The following ERC2 variants were observed in gnomAD, a reference collection of about 807,000 sequenced individuals.
ERC2 encodes the protein ELKS/RAB6-interacting/CAST family member 2, also known as ERC protein 2.
ERC2 carries 42 observed loss-of-function variants against 114.8 expected under a neutral mutation model. That is an observed-to-expected ratio of 0.37 (90% CI 0.29 to 0.47). ERC2 has a LOEUF of 0.47. ERC2 is among the 20% of genes least tolerant of loss of function. The pLI is 0.99. For synonymous variants in ERC2, 454 were observed against 425.5 expected (o/e 1.07, Z -0.82); for missense variants, 939 against 1,150.7 (o/e 0.82, Z 2.66).
chr3:56,334,434 C>A (rs961057827), intron 2 of ERC2, among the ~76,000 whole-genome samples: 3 of 152,210 alleles, frequency 2.0e-5, no homozygotes, highest in Non-Finnish European at 4.4e-5. Flanking sequence ...TCATTTCTGT[C>A]CTTCCCAGCT....
intron 3 of ERC2, among the ~76,000 whole-genome samples, chr3:56,222,755 C>T (rs142349527): frequency 7.2e-4 from 110 of 152,338 alleles, no homozygotes; most frequent in Middle Eastern, 3.4e-3. Context: ...TGCTATACAA[C>T]CGCTATAGCT....
At chr3:56,407,690 T>C (rs1019024156) in intron 2 of ERC2, among the ~76,000 whole-genome samples, 7 of 152,182 alleles carry the variant, frequency 4.6e-5, no homozygotes, top group Admixed American at 4.6e-4. Flanking sequence ...CCACCCTGAC[T>C]GCACATTAGA....
At chr3:55,708,761 A>G (rs1481296162) in intron 15 of ERC2, among the ~76,000 whole-genome samples, 5 of 151,510 alleles carry the variant, frequency 3.3e-5, no homozygotes, top group Admixed American at 6.6e-5. Context: ...AAATAAATAA[A>G]TGGAGGAGTG....
At chr3:56,115,480 T>C (rs943590915) in intron 6 of ERC2, among the ~76,000 whole-genome samples, 1 of 152,080 alleles carries the variant, frequency 6.6e-6, no homozygotes, top group Non-Finnish European at 1.5e-5. Flanking sequence ...AAAGGGCTTA[T>C]CACAGGTAAC....
chr3:55,878,623 G>A (rs2062974815), intron 14 of ERC2, among the ~76,000 whole-genome samples: 1 of 152,152 alleles, frequency 6.6e-6, no homozygotes, highest in African/African-American at 2.4e-5. Flanking sequence ...ACATATATGA[G>A]CCTCAGTGTC....
At chr3:55,597,600 ACT>A (rs2058207520) in intron 17 of ERC2, among the ~76,000 whole-genome samples, 1 of 151,738 alleles carries the variant, frequency 6.6e-6, no homozygotes, top group Non-Finnish European at 1.5e-5. Context: ...CTCCTTAATA[ACT>A]CTACTGTACT....
intron 4 of ERC2, among the ~76,000 whole-genome samples, chr3:56,166,865 G>A (rs983210179): frequency 6.6e-6 from 1 of 152,004 alleles, no homozygotes; most frequent in African/African-American, 2.4e-5. Context: ...CTCCACTCTA[G>A]TATATGTTTA....
At chr3:55,847,445 G>A (rs530446699) in intron 14 of ERC2, among the ~76,000 whole-genome samples, 2 of 152,090 alleles carry the variant, frequency 1.3e-5, no homozygotes, top group Non-Finnish European at 2.9e-5. Flanking sequence ...CAGCAAGACC[G>A]GGAGATACAC....
intron 14 of ERC2, among the ~76,000 whole-genome samples, chr3:55,775,801 A>G (rs1242981744): frequency 1.3e-5 from 2 of 152,186 alleles, no homozygotes; most frequent in African/African-American, 4.8e-5. Flanking sequence ...TTAGTTATGA[A>G]TCCAAACCAA....
At chr3:56,104,430 A>G (rs1236078347) in intron 6 of ERC2, among the ~76,000 whole-genome samples, 1 of 152,224 alleles carries the variant, frequency 6.6e-6, no homozygotes, top group East Asian at 1.9e-4. Flanking sequence ...CCAAAGACCT[A>G]TAAACATTTC....
chr3:55,952,163 ACACACACACACACACACT>A lies in ERC2; in HGVS notation c.2268-1621_2268-1604del, dbSNP rs1232022862. ...CACACACACACACACACACACACAC[ACACACACACACACACACT>A]CTCTCTCTCTCTCTCTCTATATATA... is the stretch of plus-strand genomic sequence containing the variant. On this transcript the variant is annotated intron_variant, in intron 12 of 17. Transcript: ENST00000288221. 2.3e-3 allele frequency among the ~76,000 whole-genome samples: 169 copies of A among 73,560 alleles called. 3 individuals are homozygous for A. Among genetic ancestry groups the A allele is most frequent in the Non-Finnish European group, 4.0e-3 (136 of 34,158 alleles). The allele number at this position is 73,560 out of a possible 152,430, so 48.3% of individuals were successfully genotyped here.
In ERC2 at chr3:55,754,756, G is replaced by A. The variant is rs12107367; in HGVS notation, c.2565-19838C>T. On this transcript the variant is annotated intron_variant, in intron 14 of 17. Coordinates refer to ENST00000288221, the MANE Select transcript of ERC2 (RefSeq NM_015576.3). ...ATATCTTCCTTTGTCCATTAAAGAA[G>A]TCTGAGATTCTTAGGTTTTTCTATC... Among the ~76,000 whole-genome samples the A allele has an allele frequency of 4.7e-3, 710 of 151,794 alleles. 4 individuals are homozygous for A. The highest frequency in any genetic ancestry group is 0.016 in the African/African-American group (684 of 41,474).
At chr3:55,713,106 C>G (rs921071606) in intron 15 of ERC2, among the ~76,000 whole-genome samples, 3 of 111,484 alleles carry the variant, frequency 2.7e-5, no homozygotes, top group Non-Finnish European at 5.2e-5. Context: ...TTCTCTCTCT[C>G]TCTCTCTCTC....
At chr3:56,183,117 T>C (rs2083377403) in intron 3 of ERC2, among the ~76,000 whole-genome samples, 1 of 152,218 alleles carries the variant, frequency 6.6e-6, no homozygotes, top group African/African-American at 2.4e-5. Flanking sequence ...AACCTCCATT[T>C]GAAGACTCAA....
chr3:56,365,125 G>A (rs2059101191), intron 2 of ERC2, among the ~76,000 whole-genome samples: 1 of 152,180 alleles, frequency 6.6e-6, no homozygotes, highest in Admixed American at 6.5e-5. Context: ...ATCAATGATT[G>A]GCGGCTATTA....
intron 15 of ERC2, among the ~76,000 whole-genome samples, chr3:55,713,096 T>TTCTCTCTCTC (rs143906006): frequency 0.014 from 1,843 of 135,046 alleles, 18 homozygotes; most frequent in Non-Finnish European, 0.017. Flanking sequence ...TCCTCTGCCA[T>TTCTCTCTCTC]TCTCTCTCTC....
At chr3:56,121,113 C>T (rs2079550386) in intron 6 of ERC2, among the ~76,000 whole-genome samples, 1 of 152,118 alleles carries the variant, frequency 6.6e-6, no homozygotes, top group African/African-American at 2.4e-5. Context: ...TACCTCTAGG[C>T]CTCTGTTTTC....
intron 16 of ERC2, among the ~76,000 whole-genome samples, chr3:55,694,363 C>T (rs560341839): frequency 6.6e-5 from 10 of 152,118 alleles, no homozygotes; most frequent in Non-Finnish European, 1.2e-4. Context: ...CAGAGTACCT[C>T]GTAAGGGCCA....
chr3:55,516,507 A>C (rs1410748708), intron 17 of ERC2, among the ~76,000 whole-genome samples: 1 of 151,984 alleles, frequency 6.6e-6, no homozygotes, highest in Non-Finnish European at 1.5e-5. Flanking sequence ...ACGGGGCAAT[A>C]AAATGTAACA....
Sources: allele counts gnomAD v4.1 joint callset (sites outside exome capture counted in the v4.1 genomes callset), GRCh38; gene constraint gnomAD v4.1.1; transcripts MANE v1.5; gene names NCBI Gene and HGNC (gene_info 2026-07-23, HGNC 2026-07-21).